The following RBM25 variants were observed in gnomAD, a reference collection of about 807,000 sequenced individuals.
RBM25 encodes the protein RNA-binding protein 25.
RBM25 carries 19 observed loss-of-function variants against 120.7 expected under a neutral mutation model. The observed-to-expected ratio is 0.16, with a 90% confidence interval of 0.11 to 0.23. The LOEUF (loss-of-function observed/expected upper bound fraction) is 0.23, where lower values mean the gene tolerates loss of function less well. Among genes scored for constraint, RBM25 ranks in the 10% least tolerant of loss-of-function variants. The probability of loss-of-function intolerance (pLI) is 1.00; values close to 1 mark genes in which losing one functional copy is unlikely to be tolerated. For missense variants in RBM25, 605 were observed against 1,041.5 expected, an observed-to-expected ratio of 0.58 and a Z score of 5.77; for synonymous variants, 390 against 326.7, an observed-to-expected ratio of 1.19 and a Z score of -2.09.
chr14:73,106,038 A>G lies in RBM25; in HGVS notation c.1334A>G (p.Lys445Arg). 6.2e-7 allele frequency: 1 copy of G among 1,610,350 alleles called. No homozygotes were observed. Among genetic ancestry groups the G allele is most frequent in the Admixed American group, 1.7e-5 (1 of 58,834 alleles). ...GAAGAAGATGCATACGAACGAAGAA[A>G]ACTTGAAAGAAAACTCCGAGAGAAA... The part of the protein sequence containing the change: ...EDEEDAYERR[K>R]LERKLREKEA... The change falls in exon 11 of 19, where the codon AAA becomes AGA. Residue 445 changes from lysine to arginine, a missense_variant. By Grantham distance (26) the Lys-to-Arg change is conservative. Around this residue, in one of 4 missense-constraint regions of RBM25, gnomAD observed 465 missense variants for 741.6 expected, o/e 0.63. Coordinates refer to ENST00000261973, the MANE Select transcript of RBM25 (RefSeq NM_021239.3).
chr14:73,069,928 C>G (rs368882681), intron 1 of RBM25: 2 of 149,468 alleles, frequency 1.3e-5, no homozygotes, highest in Non-Finnish European at 3.0e-5. Flanking sequence ...TAGGTATGCA[C>G]TATCATGCTT....
chr14:73,105,954 G>A lies in RBM25; in HGVS notation c.1250G>A (p.Arg417Gln), dbSNP rs1364276493. The A allele has an allele frequency of 1.9e-6, 3 of 1,613,468 alleles. No individual in the cohort carries two copies. Among genetic ancestry groups the A allele is most frequent in the African/African-American group, 1.3e-5 (1 of 74,808 alleles). ...CGAGAACGGGAGCGAGAGAGAGAGC[G>A]AGAGAGGGAACGGGAGCGAGAAAGA... The part of the protein sequence containing the change: ...RERERERERE[R>Q]EREREREREK... Residue 417 changes from arginine (R) to glutamine (Q), a missense_variant, in exon 11 of 19, where the codon CGA becomes CAA. This residue lies in a region of RBM25 where 465 missense variants were observed against 741.6 expected (regional missense o/e 0.63). Transcript: ENST00000261973.
chr14:73,074,731 TGA>T (rs1359135124), intron 2 of RBM25, among the ~76,000 whole-genome samples: 3 of 152,200 alleles, frequency 2.0e-5, no homozygotes, highest in Admixed American at 6.5e-5. Context: ...TTGCTTTTTT[TGA>T]GAGAGTCTCA....
chr14:73,109,193 G>A (rs1054748321), intron 13 of RBM25, 149 bp from the exon 14 acceptor site: 8 of 746,824 alleles, frequency 1.1e-5, no homozygotes, highest in African/African-American at 1.8e-5. Flanking sequence ...GCACACTCTG[G>A]TGTGTTCCGT....
At chr14:73,103,944 T>A (rs892915393) in intron 10 of RBM25, among the ~76,000 whole-genome samples, 687 of 42,406 alleles carry the variant, frequency 0.016, 1 homozygote, top group Non-Finnish European at 0.024. Context: ...TCTCTCTCTC[T>A]CTCTCACACA....
rs1475722704 is a variant in RBM25, at chr14:73,085,886, AGC to A, written c.383-2114_383-2113del. ...GAATTATTGTGAACTTAGGAATTGA[AGC>A]ATATTTAGTGTTATTGTATTTAATA... On this transcript the variant is annotated intron_variant, in intron 5 of 18. Transcript: ENST00000261973. Among the ~76,000 whole-genome samples, 5 of 152,168 alleles carry A rather than the reference AGC, an allele frequency of 3.3e-5. No individual in the cohort carries two copies. The East Asian group carries it at 9.6e-4, about 29-fold the overall frequency.
chr14:73,092,646 A>G (rs749872095), intron 6 of RBM25, among the ~76,000 whole-genome samples: 1 of 150,984 alleles, frequency 6.6e-6, no homozygotes, highest in East Asian at 1.9e-4. Context: ...GTATATATAC[A>G]TGTGCCATGT....
Position 73,120,500 on chromosome 14 carries a change from G to A in RBM25, c.*695G>A, listed in dbSNP as rs1291712180. 2.6e-5 allele frequency: 4 copies of A among 152,600 alleles called. No individual in the cohort carries two copies. Among genetic ancestry groups the A allele is most frequent in the African/African-American group, 7.2e-5 (3 of 41,434 alleles). 9.5% of individuals were successfully genotyped at this position (152,600 alleles called of 1,614,324 possible). A position where few individuals can be genotyped will look rare whatever the true frequency, so the allele number is the denominator to read the frequency against. On this transcript the variant is annotated 3_prime_UTR_variant, in exon 19 of 19. Transcript: ENST00000261973. ...TAGTTTCCCAGAGCATGGTGTTCTCGTGTCGTGAGCAATGTGGTTTGCTAA... is the reference window on the plus strand; with the variant it reads ...TAGTTTCCCAGAGCATGGTGTTCTCATGTCGTGAGCAATGTGGTTTGCTAA...
At chr14:73,083,171 T>C (rs1895604150) in intron 4 of RBM25, among the ~76,000 whole-genome samples, 1 of 152,232 alleles carries the variant, frequency 6.6e-6, no homozygotes, top group Non-Finnish European at 1.5e-5. Context: ...TATTATAGTT[T>C]GTTTTAACCA....
intron 13 of RBM25, among the ~76,000 whole-genome samples, chr14:73,108,521 C>CATTTTT (rs919295778): frequency 1.3e-5 from 2 of 152,188 alleles, no homozygotes; most frequent in Non-Finnish European, 2.9e-5. Flanking sequence ...TCTTTGTTCC[C>CATTTTT]ATGGCATTTT....
Position 73,103,490 on chromosome 14 carries a change from C to T in RBM25, c.1154+12C>T. On this transcript the variant is annotated intron_variant, in intron 10 of 18. Coordinates refer to ENST00000261973, the MANE Select transcript of RBM25 (RefSeq NM_021239.3). Reference sequence around the variant, plus strand: ...CGCAGTCGATCAAGGTAAGGCTTTACAGAAGTTACTGTTTCCTGATAGCTT... The same window carrying T: ...CGCAGTCGATCAAGGTAAGGCTTTATAGAAGTTACTGTTTCCTGATAGCTT... 5 of 1,558,246 alleles carry T rather than the reference C, an allele frequency of 3.2e-6. No individual in the cohort carries two copies. The East Asian group carries it at 6.8e-5, about 21-fold the overall frequency.
chr14:73,090,841 G>C (rs17182104), intron 6 of RBM25, among the ~76,000 whole-genome samples: 23,128 of 152,222 alleles, frequency 0.15, 1,974 homozygotes, highest in South Asian at 0.24. Flanking sequence ...TTTGTTAATA[G>C]ACGCTTATCT....
chr14:73,085,122 G>A (rs542065000), intron 5 of RBM25, among the ~76,000 whole-genome samples: 3 of 151,452 alleles, frequency 2.0e-5, no homozygotes, highest in African/African-American at 7.3e-5. Flanking sequence ...TGATTCAAAC[G>A]ATTCTCCAGC....
intron 10 of RBM25, among the ~76,000 whole-genome samples, chr14:73,103,948 T>TCTCACA (rs1594928335): frequency 3.6e-4 from 33 of 91,416 alleles, no homozygotes; most frequent in Non-Finnish European, 6.8e-4. Context: ...TCTCTCTCTC[T>TCTCACA]CACACACACA....
At chr14:73,111,261 T>TAGA (rs1166491067) in intron 15 of RBM25, 106 bp downstream of exon 15, 1 of 1,040,354 alleles carries the variant, frequency 9.6e-7, no homozygotes, top group East Asian at 2.5e-5. Context: ...GTTAGGTAGA[T>TAGA]AGAAGATTAC....
At chr14:73,074,489 T>C (rs1037719497) in intron 2 of RBM25, among the ~76,000 whole-genome samples, 1 of 152,012 alleles carries the variant, frequency 6.6e-6, no homozygotes, top group African/African-American at 2.4e-5. Context: ...TCCCATCACT[T>C]TGGGAGGCTG....
intron 14 of RBM25, among the ~76,000 whole-genome samples, chr14:73,109,736 T>C (rs1896267436): frequency 6.6e-6 from 1 of 151,942 alleles, no homozygotes; most frequent in South Asian, 2.1e-4. Context: ...GAGCTTGCAG[T>C]GAGCCGAGAT....
rs541923651 is a variant in RBM25, at chr14:73,070,497, A to G, written c.-15-1130A>G. ...TTGTCAAAAGTTGTATGTTCTCTTT[A>G]TATTTGAATGGTTACTATCTGACTG... On this transcript the variant is annotated intron_variant, in intron 1 of 18. Coordinates refer to ENST00000261973, the MANE Select transcript of RBM25 (RefSeq NM_021239.3). Among the ~76,000 whole-genome samples, 6 of 151,864 alleles carry G rather than the reference A, an allele frequency of 4.0e-5. No individual in the cohort carries two copies. The South Asian group carries it at 6.2e-4, about 16-fold the overall frequency.
intron 2 of RBM25, among the ~76,000 whole-genome samples, chr14:73,073,540 T>A (rs1052562904): frequency 4.6e-5 from 7 of 152,034 alleles, no homozygotes; most frequent in African/African-American, 1.7e-4. Context: ...ATACAAAAAA[T>A]TAGCTGGGCG....
Sources: allele counts gnomAD v4.1 joint callset (sites outside exome capture counted in the v4.1 genomes callset), GRCh38; gene constraint gnomAD v4.1.1; regional missense constraint gnomAD v4.1.1; transcripts MANE v1.5; gene names NCBI Gene and HGNC (gene_info 2026-07-23, HGNC 2026-07-21).